LPL: variants seen among roughly 807,000 people sequenced by gnomAD.
LPL encodes phospholipase A1.
In LPL, 43 loss-of-function variants were observed where a neutral mutation model predicts 52.2. The ratio of observed to expected loss-of-function variants is 0.82; its 90% CI spans 0.64 to 1.06. The LOEUF is 1.06. Among genes scored for constraint, LPL ranks in the 50% least tolerant of loss-of-function variants. LPL has a pLI of 0.00. For missense variants in LPL, 639 were observed against 585.3 expected (o/e 1.09, Z -0.95); for synonymous variants, 244 against 215.6 (o/e 1.13, Z -1.15).
At chr8:19,941,161 G>T (rs1270679887) in intron 1 of LPL, among the ~76,000 whole-genome samples, 1 of 152,158 alleles carries the variant, frequency 6.6e-6, no homozygotes, top group Non-Finnish European at 1.5e-5. Context: ...AAGAAAAAAA[G>T]TATCTTTTCT....
rs2070046154 is a variant in LPL, at chr8:19,962,226, A to C, written c.1427+7A>C. On this transcript the variant is annotated splice_region_variant and intron_variant, in intron 9 of 9. Coordinates refer to ENST00000650287, the MANE Select transcript of LPL (RefSeq NM_000237.3). ...TGAATAAGAAGTCAGGCTGGTGAGC[A>C]TTCTGGGCTAAAGCTGACTGGGCAT... is the stretch of plus-strand genomic sequence containing the variant. 1.2e-6 allele frequency: 2 copies of C among 1,610,960 alleles called. No individual in the cohort carries two copies. The highest frequency in any genetic ancestry group is 2.2e-5 in the East Asian group (1 of 44,832).
Position 19,962,157 on chromosome 8 carries a change from A to G in LPL, c.1365A>G (p.Lys455=). 1 of 1,613,976 alleles carries G rather than the reference A, an allele frequency of 6.2e-7. No homozygotes were observed. The highest frequency in any genetic ancestry group is 1.1e-5 in the South Asian group (1 of 91,074). Residue 455 remains lysine, a synonymous_variant, in exon 9 of 10, where the codon AAA becomes AAG. Coordinates refer to ENST00000650287, the MANE Select transcript of LPL (RefSeq NM_000237.3). ...GGGAGAAAGTGTCTCATTTGCAGAA[A>G]GGAAAGGCACCTGCGGTATTTGTGA... The part of the protein sequence containing the change: ...CSREKVSHLQ[K]GKAPAVFVKC...
Position 19,962,326 on chromosome 8 carries a change from A to T in LPL, c.1427+107A>T, listed in dbSNP as rs1590148899. 5 of 813,516 alleles carry T rather than the reference A, an allele frequency of 6.1e-6. No individual in the cohort carries two copies. In the East Asian group the frequency reaches 1.2e-4, roughly 20 times the overall value. 50.4% of individuals were successfully genotyped at this position (813,516 alleles called of 1,614,324 possible). A position where few individuals can be genotyped will look rare whatever the true frequency, so the allele number is the denominator to read the frequency against. ...CATCACCAGCAGCTTGCCCTGACTC[A>T]TGTGATCAAAGCATTCAATCAGTCT... On this transcript the variant is annotated intron_variant, in intron 9 of 9. Transcript: ENST00000650287.
At chr8:19,964,441 G>A (rs1362078160) in intron 9 of LPL, among the ~76,000 whole-genome samples, 1 of 152,290 alleles carries the variant, frequency 6.6e-6, no homozygotes, top group East Asian at 1.9e-4. Context: ...ATCTGAGAAA[G>A]CCTAATGAAG....
Position 19,950,948 on chromosome 8 carries a change from A to C in LPL, c.250-821A>C, listed in dbSNP as rs959040471. On this transcript the variant is annotated intron_variant, in intron 2 of 9. Coordinates refer to ENST00000650287, the MANE Select transcript of LPL (RefSeq NM_000237.3). This position sits in a 1 kb window ranked among gnomAD's most constrained non-coding sequence, Gnocchi z 4.2. ...AAGGAAGGAAGGGAGGGAGGAAGAA[A>C]GGAAGGAAGAACAAAGAAAAGAGAA... Among the ~76,000 whole-genome samples, 1 of 147,496 alleles carries C rather than the reference A, an allele frequency of 6.8e-6. No homozygotes were observed. The highest frequency in any genetic ancestry group is 1.9e-4 in the East Asian group (1 of 5,174).
chr8:19,957,745 A>T (rs286), intron 6 of LPL, among the ~76,000 whole-genome samples: 8,944 of 152,296 alleles, frequency 0.059, 360 homozygotes, highest in Middle Eastern at 0.088. Context: ...AATTATAAAA[A>T]GAGATGTATC....
At chr8:19,959,427 G>A (rs1233305202) in intron 7 of LPL, 47 bp downstream of exon 7, 1 of 1,612,088 alleles carries the variant, frequency 6.2e-7, no homozygotes, top group African/African-American at 1.3e-5. Flanking sequence ...TCCCTCTCCT[G>A]CCATAACCCT....
At chr8:19,941,997 C>T (rs748543142) in intron 1 of LPL, among the ~76,000 whole-genome samples, 87 of 152,228 alleles carry the variant, frequency 5.7e-4, no homozygotes, top group Middle Eastern at 3.4e-3. Flanking sequence ...TCGTGAATTT[C>T]CAGGCTGTCT....
intron 9 of LPL, among the ~76,000 whole-genome samples, chr8:19,963,854 G>A (rs557583406): frequency 6.6e-6 from 1 of 152,170 alleles, no homozygotes; most frequent in Non-Finnish European, 1.5e-5. Flanking sequence ...TCTTCTAAGA[G>A]GTTATTACGT....
chr8:19,940,325 G>A (rs1416706796), intron 1 of LPL, among the ~76,000 whole-genome samples: 1 of 152,218 alleles, frequency 6.6e-6, no homozygotes. Flanking sequence ...GGGTTGCCAG[G>A]TCTGCGTTTG....
intron 1 of LPL, among the ~76,000 whole-genome samples, chr8:19,947,481 A>C (rs28689946): frequency 0.074 from 11,308 of 152,052 alleles, 1,032 homozygotes; most frequent in African/African-American, 0.23. Context: ...CTCTACAAGA[A>C]ATACAAGTTA....
Position 19,955,800 on chromosome 8 carries a change from T to C in LPL, c.776-41T>C, listed in dbSNP as rs568292586. On this transcript the variant is annotated intron_variant, in intron 5 of 9. Transcript: ENST00000650287. ...TGCCAAATGAAACACTCTTTGTGAA[T>C]TTCTGCCGAGATACAATCTTGGTGT... 102 of 1,613,916 alleles carry C rather than the reference T, an allele frequency of 6.3e-5. 1 individual carries two copies. The highest frequency in any genetic ancestry group is 5.7e-4 in the South Asian group (52 of 91,032).
In LPL at chr8:19,950,112, T is replaced by C. The variant is rs1382001442; in HGVS notation, c.250-1657T>C. On this transcript the variant is annotated intron_variant, in intron 2 of 9. Coordinates refer to ENST00000650287, the MANE Select transcript of LPL (RefSeq NM_000237.3). The surrounding 1 kb of genome is among the most constrained non-coding windows in gnomAD (Gnocchi z 4.2). ...GTGCTTGAGCACAGAGACTGCTGTC[T>C]GGCTGTGGGACTGAGTTGGGTCTGT... Among the ~76,000 whole-genome samples the C allele has an allele frequency of 6.6e-6, 1 of 152,238 alleles. No homozygotes were observed. Among genetic ancestry groups the C allele is most frequent in the Non-Finnish European group, 1.5e-5 (1 of 68,048 alleles).
At chr8:19,952,429 T>C (rs190587176) in intron 3 of LPL, among the ~76,000 whole-genome samples, 41 of 152,250 alleles carry the variant, frequency 2.7e-4, no homozygotes, top group African/African-American at 8.9e-4. Context: ...GCTAGGAAGA[T>C]GTTGGAAGGG....
chr8:19,946,559 A>G, intron 1 of LPL: 1 of 307,124 alleles, frequency 3.3e-6, no homozygotes, highest in Non-Finnish European at 6.5e-6. Context: ...GAAGTTACAG[A>G]TTTTTAAATT....
rs114186305 is a variant in LPL, at chr8:19,946,652, C to T, written c.89-1528C>T. On this transcript the variant is annotated intron_variant, in intron 1 of 9. Transcript: ENST00000650287. ...CTCATGAATCTCCTGAAATTTCGAACGGCAAAATCTAAAATCTACAAGTTA... is the reference window on the plus strand; with the variant it reads ...CTCATGAATCTCCTGAAATTTCGAATGGCAAAATCTAAAATCTACAAGTTA... 6.2e-3 allele frequency: 1,116 copies of T among 179,786 alleles called. 11 individuals are homozygous for T. The highest frequency in any genetic ancestry group is 0.025 in the African/African-American group (1,049 of 41,958). The allele number at this position is 179,786 out of a possible 1,614,324, so 11.1% of individuals were successfully genotyped here.
chr8:19,959,434 C>A (rs1216062942), intron 7 of LPL, 54 bp downstream of exon 7: 2 of 1,607,658 alleles, frequency 1.2e-6, no homozygotes, highest in Admixed American at 1.7e-5. Context: ...CCTGCCATAA[C>A]CCTTGGTCTG....
At chr8:19,962,265 C>A (rs1008168147) in intron 9 of LPL, 46 bp downstream of exon 9, 1 of 1,464,816 alleles carries the variant, frequency 6.8e-7, no homozygotes, top group Non-Finnish European at 9.6e-7. Context: ...GAGCTTGCAC[C>A]CTAAGGGAGG....
chr8:19,956,207 C>T, intron 6 of LPL, 124 bp downstream of exon 6: 1 of 1,386,888 alleles, frequency 7.2e-7, no homozygotes, highest in South Asian at 1.2e-5. Flanking sequence ...AAACCCTGAG[C>T]CCTGGTGTTT....
Sources: gnomAD v4.1 joint callset for allele counts (sites outside exome capture counted in the v4.1 genomes callset) on GRCh38, gnomAD v4.1.1 for gene constraint, Gnocchi (gnomAD v3.1) non-coding constraint, MANE v1.5 for transcripts, NCBI Gene and HGNC (gene_info 2026-07-23, HGNC 2026-07-21) for gene names.